ACOT12: variants seen among roughly 807,000 people sequenced by gnomAD.
ACOT12 encodes acyl-CoA thioesterase 12.
A neutral mutation model predicts 67.7 loss-of-function variants in ACOT12; 51 were observed. The ratio of observed to expected loss-of-function variants is 0.75; its 90% CI spans 0.60 to 0.95. The LOEUF (loss-of-function observed/expected upper bound fraction) is 0.95, where lower values mean the gene tolerates loss of function less well. ACOT12 is among the 40% of genes least tolerant of loss of function. The probability of loss-of-function intolerance (pLI) is 0.00; values close to 1 mark genes in which losing one functional copy is unlikely to be tolerated. For missense variants in ACOT12, 734 were observed against 708.1 expected, an observed-to-expected ratio of 1.04 and a Z score of -0.41; for synonymous variants, 251 against 244.6, an observed-to-expected ratio of 1.03 and a Z score of -0.24.
At chr5:81,327,159 T>TTA (rs139063836), downstream of ACOT12, among the ~76,000 whole-genome samples, 1 of 149,470 alleles carries the variant, frequency 6.7e-6, no homozygotes, top group African/African-American at 2.5e-5. Context: ...ATATATGTGA[T>TTA]TATATATATG....
At chr5:81,378,306 C>T (rs1033842387) in intron 2 of ACOT12, among the ~76,000 whole-genome samples, 4 of 152,148 alleles carry the variant, frequency 2.6e-5, no homozygotes, top group African/African-American at 4.8e-5. Flanking sequence ...AAATTGGATC[C>T]CTTCCTTACA....
At chr5:81,381,202 G>A (rs2153858565) in intron 2 of ACOT12, among the ~76,000 whole-genome samples, 1 of 152,146 alleles carries the variant, frequency 6.6e-6, no homozygotes, top group Non-Finnish European at 1.5e-5. Flanking sequence ...GAATAGCTGG[G>A]ATTACAGGCG....
chr5:81,385,903 G>T, intron 1 of ACOT12, 77 bp from the exon 2 acceptor site: 3 of 1,368,360 alleles, frequency 2.2e-6, no homozygotes, highest in Non-Finnish European at 3.1e-6. Context: ...GGAATGAAAT[G>T]TAAGTGCATT....
At chr5:81,376,395 C>G (rs1760412961) in intron 2 of ACOT12, among the ~76,000 whole-genome samples, 1 of 151,398 alleles carries the variant, frequency 6.6e-6, no homozygotes, top group Non-Finnish European at 1.5e-5. Context: ...CAGGAAAGAT[C>G]CAAAATCAAC....
At chr5:81,328,678 C>T (rs149279703), downstream of ACOT12, among the ~76,000 whole-genome samples, 451 of 152,166 alleles carry the variant, frequency 3.0e-3, 2 homozygotes, top group African/African-American at 9.9e-3. Context: ...TCCAAGAAAG[C>T]GCCAGGTGGA....
At chr5:81,349,567 C>A (rs978194930) in intron 5 of ACOT12, among the ~76,000 whole-genome samples, 1 of 152,146 alleles carries the variant, frequency 6.6e-6, no homozygotes, top group African/African-American at 2.4e-5. Flanking sequence ...CTCAGTGGAG[C>A]CTTCTCTGAC....
chr5:81,308,795 T>C, the ACOT12 span: 1 of 1,515,458 alleles, frequency 6.6e-7, no homozygotes, highest in Non-Finnish European at 8.9e-7. Context: ...CACAATTTGT[T>C]ACGAGTGTGC....
At chr5:81,356,617 C>A (rs1561335752) in intron 5 of ACOT12, among the ~76,000 whole-genome samples, 1 of 152,032 alleles carries the variant, frequency 6.6e-6, no homozygotes, top group African/African-American at 2.4e-5. Context: ...ATCTACCTCC[C>A]AAAAATTGCC....
intron 11 of ACOT12, 28 bp from the exon 12 acceptor site, chr5:81,335,929 CG>C (rs756939603): frequency 3.2e-6 from 5 of 1,585,042 alleles, no homozygotes; most frequent in Middle Eastern, 1.7e-4. Flanking sequence ...AATTAAATTA[CG>C]AAAGAAAACT....
At chr5:81,348,021 G>T in intron 5 of ACOT12, 91 bp from the exon 6 acceptor site, 1 of 1,388,828 alleles carries the variant, frequency 7.2e-7, no homozygotes, top group Non-Finnish European at 9.8e-7. Context: ...ATTCAACTCG[G>T]ATTTATAGAA....
intron 3 of ACOT12, 35 bp from the exon 4 acceptor site, chr5:81,363,924 G>C (rs1448625268): frequency 7.6e-6 from 11 of 1,443,934 alleles, no homozygotes; most frequent in Non-Finnish European, 9.2e-6. Context: ...ATACACTCTT[G>C]GCCAGTTCAG....
At chr5:81,317,456 C>T in the ACOT12 span, among the ~76,000 whole-genome samples, 12 of 149,406 alleles carry the variant, frequency 8.0e-5, no homozygotes, top group Non-Finnish European at 1.2e-4. Flanking sequence ...GAGCCGAGAT[C>T]GTGCCACTGC....
downstream of ACOT12, among the ~76,000 whole-genome samples, chr5:81,326,967 T>G (rs1758687382): frequency 6.6e-6 from 1 of 152,298 alleles, no homozygotes; most frequent in South Asian, 2.1e-4. Flanking sequence ...TAATTTACTC[T>G]AAATCACAAG....
intron 5 of ACOT12, among the ~76,000 whole-genome samples, chr5:81,354,984 C>G (rs927903434): frequency 2.0e-5 from 3 of 152,146 alleles, no homozygotes; most frequent in African/African-American, 7.2e-5. Context: ...AAGCCACCGC[C>G]AGGCCTCATC....
At chr5:81,363,707 T>G in intron 4 of ACOT12, 81 bp downstream of exon 4, 1 of 1,035,416 alleles carries the variant, frequency 9.7e-7, no homozygotes, top group Non-Finnish European at 1.4e-6. Flanking sequence ...AGAAGTGTCA[T>G]TTTTTTCTAT....
downstream of ACOT12, among the ~76,000 whole-genome samples, chr5:81,327,391 C>T (rs1476630734): frequency 6.6e-6 from 1 of 152,096 alleles, no homozygotes; most frequent in African/African-American, 2.4e-5. Flanking sequence ...AAACCGAATG[C>T]AGATTAGTAA....
rs182844823 is a variant in ACOT12 at position 81,368,469 on chromosome 5, A to T, written c.258+3281T>A. On this transcript the variant is annotated intron_variant, in intron 3 of 14. Transcript: ENST00000307624. ...TCATTAAAAAAGTCTAAATAAATTT[A>T]AAATAATTGAAATTATACAAATTAT... Among the ~76,000 whole-genome samples the T allele has an allele frequency of 8.7e-4, 132 of 152,278 alleles. 1 individual carries two copies. The highest frequency in any genetic ancestry group is 2.9e-3 in the African/African-American group (122 of 41,570).
At chr5:81,309,211 C>T in the ACOT12 span, 2 of 476,126 alleles carry the variant, frequency 4.2e-6, no homozygotes, top group African/African-American at 4.0e-5. Flanking sequence ...TGCAATTTGA[C>T]TTCAGATGTT....
chr5:81,309,030 AT>A, the ACOT12 span: 129 of 1,610,942 alleles, frequency 8.0e-5, no homozygotes, highest in African/African-American at 1.6e-3. Flanking sequence ...AAAGGACTCT[AT>A]GCTGATGGTA....
Sources: gnomAD v4.1 joint callset for allele counts (sites outside exome capture counted in the v4.1 genomes callset) on GRCh38, gnomAD v4.1.1 for gene constraint, MANE v1.5 for transcripts, NCBI Gene and HGNC (gene_info 2026-07-23, HGNC 2026-07-21) for gene names.